Variants in SH3RF1 observed in about 807,000 individuals in gnomAD.
SH3RF1 encodes SH3 domain containing ring finger 1, also known as E3 ubiquitin-protein ligase SH3RF1.
A neutral mutation model predicts 74.0 loss-of-function variants in SH3RF1; 32 were observed. That is an observed-to-expected ratio of 0.43 (90% CI 0.33 to 0.58). The LOEUF is 0.58. SH3RF1 is among the 20% of genes least tolerant of loss of function. SH3RF1 has a pLI of 0.05. For synonymous variants in SH3RF1, 396 were observed against 439.6 expected (o/e 0.90, Z 1.24); for missense variants, 954 against 1,130.9 (o/e 0.84, Z 2.24).
In SH3RF1 at chr4:169,116,225, G is replaced by A. The variant is rs1309284171; in HGVS notation, c.2139+44C>T. 10 of 1,539,696 alleles carry A rather than the reference G, an allele frequency of 6.5e-6. No individual in the cohort carries two copies. In the African/African-American group the frequency reaches 1.4e-4, roughly 21 times the overall value. On this transcript the variant is annotated intron_variant, in intron 10 of 11. Coordinates refer to ENST00000284637, the MANE Select transcript of SH3RF1 (RefSeq NM_020870.4). ...AGACACAACATAAGAAGAAAAACAGGGAAGTAAGTAAAGCAGAGAAACAGT... is the reference window on the plus strand; with the variant it reads ...AGACACAACATAAGAAGAAAAACAGAGAAGTAAGTAAAGCAGAGAAACAGT...
intron 2 of SH3RF1, among the ~76,000 whole-genome samples, chr4:169,266,831 A>C (rs1033356919): frequency 6.6e-6 from 1 of 152,180 alleles, no homozygotes; most frequent in Admixed American, 6.5e-5. Flanking sequence ...TCTTTTTCTA[A>C]GTATTGCATC....
chr4:169,233,594 G>A (rs974897168), intron 2 of SH3RF1, among the ~76,000 whole-genome samples: 1 of 152,110 alleles, frequency 6.6e-6, no homozygotes, highest in Admixed American at 6.6e-5. Context: ...GTCATTGTAA[G>A]TCATAAAAAA....
chr4:169,096,724 A>T, intron 11 of SH3RF1, 37 bp from the exon 12 acceptor site: 1 of 1,578,262 alleles, frequency 6.3e-7, no homozygotes, highest in Non-Finnish European at 8.6e-7. Context: ...GGCGATTCAA[A>T]GCAGTGATTT....
rs2126931046 is a variant in SH3RF1, at chr4:169,094,733, TA to T, written c.*1785del. 6.2e-5 allele frequency: 1 copy of T among 16,148 alleles called. No homozygotes were observed. The highest frequency in any genetic ancestry group is 1.2e-3 in the Non-Finnish European group (1 of 838). 1.0% of individuals were successfully genotyped at this position (16,148 alleles called of 1,614,324 possible). A position where few individuals can be genotyped will look rare whatever the true frequency, so the allele number is the denominator to read the frequency against. On this transcript the variant is annotated 3_prime_UTR_variant, in exon 12 of 12. Coordinates refer to ENST00000284637, the MANE Select transcript of SH3RF1 (RefSeq NM_020870.4). Reference sequence around the variant, plus strand: ...ATATTACATGAATATCCAAGTAAAGTATTTTTTTTTTAAATTCAACACACAG... The same window carrying T: ...ATATTACATGAATATCCAAGTAAAGTTTTTTTTTTTAAATTCAACACACAG...
chr4:169,238,622 A>T (rs967889092), intron 2 of SH3RF1, among the ~76,000 whole-genome samples: 2 of 152,214 alleles, frequency 1.3e-5, no homozygotes, highest in African/African-American at 4.8e-5. Context: ...TGCTGTTTTG[A>T]CGGAGTGAGT....
chr4:169,102,413 A>G (rs139730155), intron 11 of SH3RF1, among the ~76,000 whole-genome samples: 5 of 151,750 alleles, frequency 3.3e-5, no homozygotes, highest in Admixed American at 6.6e-5. Flanking sequence ...TTTTCCCCCA[A>G]TTTAGGAGAT....
At chr4:169,163,554 G>C (rs549953300) in intron 2 of SH3RF1, among the ~76,000 whole-genome samples, 3 of 152,290 alleles carry the variant, frequency 2.0e-5, no homozygotes, top group East Asian at 3.9e-4. Context: ...TATAACCACA[G>C]TAACAAGGAT....
At chr4:169,157,493 C>A (rs76133229) in intron 2 of SH3RF1, among the ~76,000 whole-genome samples, 2,636 of 152,318 alleles carry the variant, frequency 0.017, 71 homozygotes, top group African/African-American at 0.061. Context: ...AACCCCAGTG[C>A]AATTTAATCA....
At chr4:169,127,382 A>G (rs1733545073) in intron 6 of SH3RF1, among the ~76,000 whole-genome samples, 1 of 152,210 alleles carries the variant, frequency 6.6e-6, no homozygotes, top group Admixed American at 6.5e-5. Context: ...GCTGTGTGCC[A>G]TTGCTGTTAA....
intron 4 of SH3RF1, among the ~76,000 whole-genome samples, chr4:169,143,284 C>T (rs139690961): frequency 0.011 from 1,676 of 152,280 alleles, 11 homozygotes; most frequent in Non-Finnish European, 0.015. Context: ...AATGTATCTA[C>T]ACTATGATCA....
At chr4:169,236,888 C>A (rs1730831223) in intron 2 of SH3RF1, among the ~76,000 whole-genome samples, 1 of 152,164 alleles carries the variant, frequency 6.6e-6, no homozygotes, top group African/African-American at 2.4e-5. Context: ...CCCAGGATAT[C>A]ATCTGTTACA....
At chr4:169,109,640 C>CA (rs1404021976) in intron 10 of SH3RF1, among the ~76,000 whole-genome samples, 2 of 152,150 alleles carry the variant, frequency 1.3e-5, no homozygotes, top group Admixed American at 6.5e-5. Flanking sequence ...TTTGCAAACT[C>CA]AGACACTTAG....
At chr4:169,207,459 T>C (rs930509396) in intron 2 of SH3RF1, among the ~76,000 whole-genome samples, 1 of 152,136 alleles carries the variant, frequency 6.6e-6, no homozygotes, top group Non-Finnish European at 1.5e-5. Context: ...AGAAATGAGA[T>C]CTAATTTCTG....
intron 2 of SH3RF1, among the ~76,000 whole-genome samples, chr4:169,224,603 C>A (rs1322102347): frequency 2.0e-5 from 3 of 152,226 alleles, no homozygotes; most frequent in Non-Finnish European, 4.4e-5. Flanking sequence ...CAGGCGTGAA[C>A]CACCACCACC....
chr4:169,177,765 G>A (rs1408522291), intron 2 of SH3RF1, among the ~76,000 whole-genome samples: 1 of 151,962 alleles, frequency 6.6e-6, no homozygotes, highest in South Asian at 2.1e-4. Context: ...AAAGTTTAGA[G>A]GTTAAAAGAT....
chr4:169,215,490 C>T (rs1730447503), intron 2 of SH3RF1, among the ~76,000 whole-genome samples: 1 of 152,172 alleles, frequency 6.6e-6, no homozygotes, highest in Admixed American at 6.5e-5. Context: ...CCCTCTGCAT[C>T]TATCTTCTGA....
At chr4:169,134,626 A>T (rs999449173) in intron 5 of SH3RF1, among the ~76,000 whole-genome samples, 1 of 152,174 alleles carries the variant, frequency 6.6e-6, no homozygotes, top group South Asian at 2.1e-4. Context: ...CCTCCTTCAG[A>T]ACCTTACTCA....
intron 2 of SH3RF1, among the ~76,000 whole-genome samples, chr4:169,265,321 T>C (rs1171260071): frequency 1.3e-5 from 2 of 152,158 alleles, no homozygotes; most frequent in African/African-American, 2.4e-5. Context: ...AAGTATAAAT[T>C]AGTATAAATC....
chr4:169,180,312 A>G (rs890726559), intron 2 of SH3RF1, among the ~76,000 whole-genome samples: 3 of 152,240 alleles, frequency 2.0e-5, no homozygotes, highest in Admixed American at 2.0e-4. Context: ...CAAACCGGAG[A>G]GTCTGAGGAC....
Sources: allele counts gnomAD v4.1 joint callset (sites outside exome capture counted in the v4.1 genomes callset), GRCh38; gene constraint gnomAD v4.1.1; transcripts MANE v1.5; gene names NCBI Gene and HGNC (gene_info 2026-07-23, HGNC 2026-07-21).